TRPM3: variants seen among roughly 807,000 people sequenced by gnomAD.
TRPM3 encodes the protein long transient receptor potential channel 3.
TRPM3 carries 77 observed loss-of-function variants against 181.2 expected under a neutral mutation model. The observed-to-expected ratio is 0.42, with a 90% confidence interval of 0.35 to 0.51. The LOEUF is 0.51. Ranked by LOEUF, TRPM3 falls within the 20% of genes least tolerant of loss-of-function variation. The pLI is 0.01. For synonymous variants in TRPM3, 745 were observed against 796.4 expected, an observed-to-expected ratio of 0.94 and a Z score of 1.09; for missense variants, 1,759 against 2,196.7, an observed-to-expected ratio of 0.80 and a Z score of 3.98.
intron 1 of TRPM3, among the ~76,000 whole-genome samples, chr9:71,156,750 T>G (rs536915917): frequency 6.6e-6 from 1 of 152,016 alleles, no homozygotes; most frequent in Non-Finnish European, 1.5e-5. Flanking sequence ...AGACTTATTT[T>G]TAATACATAA....
chr9:70,874,807 T>C (rs1424316766), intron 1 of TRPM3, among the ~76,000 whole-genome samples: 5 of 151,896 alleles, frequency 3.3e-5, no homozygotes, highest in Admixed American at 2.6e-4. Flanking sequence ...GTTACAAAGT[T>C]GCAATAGCAT....
chr9:70,673,816 G>A (rs1314839553), intron 9 of TRPM3, among the ~76,000 whole-genome samples: 1 of 151,922 alleles, frequency 6.6e-6, no homozygotes, highest in Non-Finnish European at 1.5e-5. Context: ...GGGCATGGTG[G>A]TGGGCACCTG....
chr9:70,750,049 TC>T (rs765774195), intron 8 of TRPM3, among the ~76,000 whole-genome samples: 30 of 152,200 alleles, frequency 2.0e-4, no homozygotes, highest in Non-Finnish European at 3.7e-4. Flanking sequence ...AGTGTCAGGG[TC>T]CCTACAGAAG....
chr9:71,121,588 C>G lies in TRPM3; in HGVS notation c.-234G>C, dbSNP rs1004533486. On this transcript the variant is annotated 5_prime_UTR_variant, in exon 1 of 26. Coordinates refer to ENST00000677713, the MANE Select transcript of TRPM3 (RefSeq NM_001366145.2). ...AGAGGGACAGCCTGCACAAAACAGC[C>G]TGTGGTCGGAGTCAAAGCAGCCTGC... 4 of 1,300,660 alleles carry G rather than the reference C, an allele frequency of 3.1e-6. No homozygotes were observed. In the African/African-American group the frequency reaches 6.0e-5, roughly 20 times the overall value. 80.6% of individuals were successfully genotyped at this position (1,300,660 alleles called of 1,614,324 possible).
chr9:71,188,974 A>G (rs1344318805), intron 1 of TRPM3, among the ~76,000 whole-genome samples: 1 of 151,928 alleles, frequency 6.6e-6, no homozygotes, highest in Non-Finnish European at 1.5e-5. Context: ...AAAAAGGTCT[A>G]TTTTACAAAT....
chr9:70,551,702 C>T (rs935453630), intron 24 of TRPM3, among the ~76,000 whole-genome samples: 1 of 152,204 alleles, frequency 6.6e-6, no homozygotes, highest in Non-Finnish European at 1.5e-5. Context: ...ATGTTATCCA[C>T]TGCAGGCTAT....
chr9:71,337,946 A>C (rs2090677087), intron 1 of TRPM3, among the ~76,000 whole-genome samples: 1 of 152,038 alleles, frequency 6.6e-6, no homozygotes, highest in Non-Finnish European at 1.5e-5. Flanking sequence ...GTGGGGGGCC[A>C]GGGGAGGGAG....
intron 1 of TRPM3, among the ~76,000 whole-genome samples, chr9:71,322,539 G>C (rs62544222): frequency 1.3e-5 from 2 of 151,898 alleles, no homozygotes; most frequent in Admixed American, 6.6e-5. Context: ...GCATGCTCTG[G>C]GTGAGTGAGG....
intron 1 of TRPM3, among the ~76,000 whole-genome samples, chr9:71,396,366 G>T (rs2093194032): frequency 6.6e-6 from 1 of 151,340 alleles, no homozygotes; most frequent in Admixed American, 6.6e-5. Context: ...GATTATCAAG[G>T]CACAAATTTA....
chr9:70,939,691 A>G (rs975376263), intron 1 of TRPM3, among the ~76,000 whole-genome samples: 8 of 152,232 alleles, frequency 5.3e-5, no homozygotes, highest in Non-Finnish European at 8.8e-5. Context: ...AGATAGCTCA[A>G]TCTTTTGAAT....
At chr9:71,155,696 T>C (rs983388026) in intron 1 of TRPM3, among the ~76,000 whole-genome samples, 22 of 151,986 alleles carry the variant, frequency 1.4e-4, no homozygotes, top group Non-Finnish European at 2.6e-4. Context: ...ATCTACAAGA[T>C]AGACAAGATC....
intron 1 of TRPM3, among the ~76,000 whole-genome samples, chr9:71,192,713 C>CA (rs1346135394): frequency 5.3e-5 from 8 of 151,800 alleles, no homozygotes; most frequent in African/African-American, 1.5e-4. Flanking sequence ...GTTGCCTTTT[C>CA]ATCCTGTTGA....
chr9:71,031,226 T>C (rs2057256881), intron 1 of TRPM3, among the ~76,000 whole-genome samples: 2 of 152,242 alleles, frequency 1.3e-5, no homozygotes, highest in Non-Finnish European at 2.9e-5. Context: ...ATACATTGAA[T>C]GCCAAACAAA....
chr9:71,335,914 C>A (rs1397322226), intron 1 of TRPM3, among the ~76,000 whole-genome samples: 1 of 152,006 alleles, frequency 6.6e-6, no homozygotes, highest in African/African-American at 2.4e-5. Flanking sequence ...AGAGATTTGC[C>A]AAAGTCAGAA....
intron 4 of TRPM3, among the ~76,000 whole-genome samples, chr9:70,843,505 C>A (rs2132022181): frequency 1.3e-5 from 2 of 151,330 alleles, no homozygotes; most frequent in South Asian, 4.2e-4. Flanking sequence ...GTTAAAAGCA[C>A]CATGTATAAT....
chr9:70,882,976 T>C (rs1202228523), intron 1 of TRPM3, among the ~76,000 whole-genome samples: 1 of 152,192 alleles, frequency 6.6e-6, no homozygotes, highest in African/African-American at 2.4e-5. Context: ...CATGGAAACA[T>C]TTCCAAAAAC....
chr9:70,830,004 A>G (rs17470402), intron 5 of TRPM3, among the ~76,000 whole-genome samples: 4,380 of 152,306 alleles, frequency 0.029, 88 homozygotes, highest in Middle Eastern at 0.058. Context: ...GCTTGTAGAC[A>G]AAAGAAAATG....
At chr9:70,973,688 C>T (rs959850870) in intron 1 of TRPM3, among the ~76,000 whole-genome samples, 5 of 152,190 alleles carry the variant, frequency 3.3e-5, no homozygotes, top group African/African-American at 1.2e-4. Flanking sequence ...AAATCATCAT[C>T]TTCATTCCCT....
At chr9:71,446,637 T>TC (rs1412451683) in intron 1 of TRPM3, 5 of 1,547,958 alleles carry the variant, frequency 3.2e-6, no homozygotes, top group East Asian at 2.5e-5. Context: ...ACTGGGGCTC[T>TC]CCCCCGGCCA....
Sources: gnomAD v4.1 joint callset for allele counts (sites outside exome capture counted in the v4.1 genomes callset) on GRCh38, gnomAD v4.1.1 for gene constraint, MANE v1.5 for transcripts, NCBI Gene and HGNC (gene_info 2026-07-23, HGNC 2026-07-21) for gene names.